ENPP3: variants seen among roughly 807,000 people sequenced by gnomAD.
The protein encoded by ENPP3 is ectonucleotide pyrophosphatase/phosphodiesterase family member 3.
Under a neutral mutation model 117.8 loss-of-function variants are expected in ENPP3, and 104 were observed. That is an observed-to-expected ratio of 0.88 (90% CI 0.75 to 1.04). The LOEUF is 1.04. ENPP3 is among the 50% of genes least tolerant of loss of function. ENPP3 has a pLI of 0.00. For synonymous variants in ENPP3, 380 were observed against 349.9 expected (o/e 1.09, Z -0.96); for missense variants, 1,026 against 1,051.9 (o/e 0.98, Z 0.34).
chr6:131,639,310 G>A lies in ENPP3; in HGVS notation c.78+1848G>A, dbSNP rs191958071. Among the ~76,000 whole-genome samples the A allele has an allele frequency of 9.9e-3, 1,082 of 109,668 alleles. 3 individuals carry two copies. Among genetic ancestry groups the A allele is most frequent in the Non-Finnish European group, 0.015 (871 of 57,422 alleles). The allele number at this position is 109,668 out of a possible 152,430, so 71.9% of individuals were successfully genotyped here. ...CTCTTTTTTTTGGAGACATGTTCTC[G>A]CTCTGTTGCCCAGGCTGGAAGACAG... On this transcript the variant is annotated intron_variant, in intron 1 of 24. Transcript: ENST00000357639.
At chr6:131,671,126 T>C in intron 6 of ENPP3, 122 bp from the exon 7 acceptor site, 1 of 673,414 alleles carries the variant, frequency 1.5e-6, no homozygotes, top group Non-Finnish European at 2.7e-6. Context: ...CCTCTTTCCA[T>C]CTTTAATCCA....
chr6:131,677,790 G>A, intron 10 of ENPP3, 78 bp from the exon 11 acceptor site: 2 of 939,624 alleles, frequency 2.1e-6, no homozygotes, highest in East Asian at 4.9e-5. Flanking sequence ...GCAAGCCCAA[G>A]ATCTACAAAA....
chr6:131,652,268 G>A (rs1440875105), intron 3 of ENPP3, among the ~76,000 whole-genome samples: 2 of 152,154 alleles, frequency 1.3e-5, no homozygotes, highest in Non-Finnish European at 2.9e-5. Flanking sequence ...CTCTTGGGTC[G>A]GAATAGGAGC....
chr6:131,729,465 T>C (rs2114549729), intron 20 of ENPP3, among the ~76,000 whole-genome samples: 1 of 152,310 alleles, frequency 6.6e-6, no homozygotes. Context: ...TACAAGCAGC[T>C]CACGTTCCTG....
In ENPP3 at chr6:131,733,529, T is replaced by A. The variant is rs891023818; in HGVS notation, c.1954-59T>A. On this transcript the variant is annotated intron_variant, in intron 20 of 24. Coordinates refer to ENST00000357639, the MANE Select transcript of ENPP3 (RefSeq NM_005021.5). ...CATTCTAGGGAAGTGACAAACCATA[T>A]AAGGCAATGGGTGAGCCGCAATTGT... 1.9e-6 allele frequency: 3 copies of A among 1,569,230 alleles called. No individual in the cohort carries two copies. In the African/African-American group the frequency reaches 4.1e-5, roughly 21 times the overall value.
intron 13 of ENPP3, 122 bp from the exon 14 acceptor site, chr6:131,685,754 T>C: frequency 1.5e-6 from 1 of 660,460 alleles, no homozygotes; most frequent in South Asian, 1.7e-5. Flanking sequence ...ATTTTTAATA[T>C]AATTTTACCA....
intron 2 of ENPP3, 132 bp from the exon 3 acceptor site, chr6:131,649,895 C>T (rs2114309333): frequency 1.1e-6 from 1 of 934,800 alleles, no homozygotes; most frequent in East Asian, 2.5e-5. Context: ...TTGGCAGATC[C>T]TGCAGCACCA....
chr6:131,680,170 A>G (rs781507273), intron 11 of ENPP3, among the ~76,000 whole-genome samples: 1 of 152,206 alleles, frequency 6.6e-6, no homozygotes, highest in Non-Finnish European at 1.5e-5. Context: ...ATTCCAGAAA[A>G]GAGATAACAG....
intron 12 of ENPP3, among the ~76,000 whole-genome samples, chr6:131,683,994 G>A (rs1002562748): frequency 2.6e-5 from 4 of 151,968 alleles, no homozygotes; most frequent in Non-Finnish European, 5.9e-5. Flanking sequence ...TTTGTGATCC[G>A]CCCACCTCGG....
intron 5 of ENPP3, 51 bp downstream of exon 5, chr6:131,652,942 A>T (rs370295791): frequency 1.6e-6 from 2 of 1,254,064 alleles, no homozygotes; most frequent in African/African-American, 3.0e-5. Context: ...AAAGGTGCAC[A>T]TAAGAATGTA....
intron 11 of ENPP3, among the ~76,000 whole-genome samples, chr6:131,679,033 CTTTCTTTCTTTCTTTCTTTCTTTCTTTCT>C (rs1778956215): frequency 1.0e-5 from 1 of 99,334 alleles, no homozygotes; most frequent in Non-Finnish European, 1.9e-5. Context: ...TTCCTTCTTT[CTTTCTTTCTTTCTTTCTTTCTTTCTTTCT>C]TTCTTTCTTT....
chr6:131,736,348 A>G (rs1780396427), intron 21 of ENPP3, among the ~76,000 whole-genome samples: 1 of 152,220 alleles, frequency 6.6e-6, no homozygotes, highest in Admixed American at 6.5e-5. Flanking sequence ...ACAGTTCCAC[A>G]TGCCTGGCGA....
At chr6:131,682,488 T>A (rs553763534) in intron 11 of ENPP3, among the ~76,000 whole-genome samples, 1 of 152,278 alleles carries the variant, frequency 6.6e-6, no homozygotes, top group Middle Eastern at 3.4e-3. Flanking sequence ...AGTAAGACCC[T>A]GTCCCTAAAA....
chr6:131,638,023 A>C (rs1777963711), intron 1 of ENPP3, among the ~76,000 whole-genome samples: 2 of 143,502 alleles, frequency 1.4e-5, no homozygotes, highest in Admixed American at 7.4e-5. Flanking sequence ...AAATACGCTT[A>C]TCCATTTCCT....
chr6:131,639,278 T>C (rs1278178320), intron 1 of ENPP3, among the ~76,000 whole-genome samples: 1 of 138,278 alleles, frequency 7.2e-6, no homozygotes, highest in Non-Finnish European at 1.6e-5. Flanking sequence ...TTTTTTTTTT[T>C]CTCTCTCTCT....
At chr6:131,684,723 A>G (rs993653670) in intron 12 of ENPP3, among the ~76,000 whole-genome samples, 4 of 152,146 alleles carry the variant, frequency 2.6e-5, no homozygotes, top group African/African-American at 9.7e-5. Context: ...AAAAATCTTC[A>G]AATAAAAAAG....
intron 23 of ENPP3, among the ~76,000 whole-genome samples, chr6:131,739,646 G>A (rs1456784372): frequency 8.5e-6 from 1 of 116,966 alleles, no homozygotes; most frequent in Non-Finnish European, 1.6e-5. Context: ...ATGTTAGAAT[G>A]ACCAAGCTTG....
chr6:131,642,800 G>A (rs1373391969), intron 2 of ENPP3: 1 of 152,246 alleles, frequency 6.6e-6, no homozygotes, highest in African/African-American at 2.4e-5. Flanking sequence ...TGAACTCCTG[G>A]ATGCAAGTGA....
chr6:131,714,080 G>T (rs1562468348), intron 15 of ENPP3, among the ~76,000 whole-genome samples: 1 of 151,522 alleles, frequency 6.6e-6, no homozygotes, highest in African/African-American at 2.4e-5. Flanking sequence ...ATTATAGTAA[G>T]CTGTTGAATA....
Sources: gnomAD v4.1 joint callset for allele counts (sites outside exome capture counted in the v4.1 genomes callset) on GRCh38, gnomAD v4.1.1 for gene constraint, MANE v1.5 for transcripts, NCBI Gene and HGNC (gene_info 2026-07-23, HGNC 2026-07-21) for gene names.